The following CCDC102B variants were observed in gnomAD, a reference collection of about 807,000 sequenced individuals.
The protein encoded by CCDC102B is coiled-coil domain-containing protein 102B.
A neutral mutation model predicts 57.4 loss-of-function variants in CCDC102B; 75 were observed. The ratio of observed to expected loss-of-function variants is 1.31; its 90% CI spans 1.08 to 1.58. CCDC102B has a LOEUF of 1.58. Among genes scored for constraint, CCDC102B ranks in the 40% most tolerant of loss-of-function variants. CCDC102B has a pLI of 0.00. For synonymous variants in CCDC102B, 206 were observed against 201.9 expected, an observed-to-expected ratio of 1.02 and a Z score of -0.17; for missense variants, 636 against 582.6, an observed-to-expected ratio of 1.09 and a Z score of -0.94.
intron 2 of CCDC102B, among the ~76,000 whole-genome samples, chr18:68,722,620 T>C (rs1305050710): frequency 2.0e-5 from 3 of 152,166 alleles, no homozygotes; most frequent in Non-Finnish European, 4.4e-5. Flanking sequence ...ATTCTTTAGA[T>C]GTTTAAGAAT....
At chr18:68,961,053 T>G (rs1373869508) in intron 6 of CCDC102B, among the ~76,000 whole-genome samples, 1 of 152,188 alleles carries the variant, frequency 6.6e-6, no homozygotes, top group Non-Finnish European at 1.5e-5. Context: ...CCTTCTTCCA[T>G]GTCTTTGCCC....
At chr18:68,899,270 A>C (rs1454400668) in intron 6 of CCDC102B, among the ~76,000 whole-genome samples, 2 of 152,096 alleles carry the variant, frequency 1.3e-5, no homozygotes, top group Non-Finnish European at 2.9e-5. Flanking sequence ...TGATGTCCTC[A>C]AATGTCAAAT....
chr18:68,782,059 T>A (rs1160511841), intron 2 of CCDC102B, among the ~76,000 whole-genome samples: 1 of 152,126 alleles, frequency 6.6e-6, no homozygotes, highest in Non-Finnish European at 1.5e-5. Flanking sequence ...GAATGCAATT[T>A]CTCTTTGAAG....
At chr18:68,993,496 T>A (rs1021166274) in intron 6 of CCDC102B, 2 of 152,246 alleles carry the variant, frequency 1.3e-5, no homozygotes. Context: ...TGCTGAATGT[T>A]CTTTCTGTGT....
chr18:68,898,266 A>G (rs536699688), intron 6 of CCDC102B, among the ~76,000 whole-genome samples: 4 of 152,114 alleles, frequency 2.6e-5, no homozygotes, highest in Non-Finnish European at 4.4e-5. Context: ...TAGTTTTGAG[A>G]TATTTAAGTC....
At chr18:68,989,092 A>G (rs1252542765) in intron 6 of CCDC102B, among the ~76,000 whole-genome samples, 2 of 152,124 alleles carry the variant, frequency 1.3e-5, no homozygotes, top group Non-Finnish European at 2.9e-5. Flanking sequence ...ACTGTTTGGC[A>G]CTATTTAGTT....
intron 6 of CCDC102B, among the ~76,000 whole-genome samples, chr18:68,929,192 T>A (rs2041581985): frequency 6.6e-6 from 1 of 151,904 alleles, no homozygotes; most frequent in Non-Finnish European, 1.5e-5. Flanking sequence ...CTTAATAATT[T>A]GAACAGAAAA....
In CCDC102B at chr18:68,989,722, G is replaced by A. The variant is rs542487388; in HGVS notation, c.1264-21212G>A. On this transcript the variant is annotated intron_variant, in intron 6 of 7. Transcript: ENST00000360242. The stretch of plus-strand genomic sequence containing the variant: ...AGTGCCGCACTCATACTTTTTCAGA[G>A]CTGGAAGAGAGGAAAGCGGAAAAAT... 2.5e-3 allele frequency among the ~76,000 whole-genome samples: 383 copies of A among 152,306 alleles called. 2 individuals are homozygous for A. The highest frequency in any genetic ancestry group is 7.6e-3 in the African/African-American group (317 of 41,568).
At chr18:68,964,472 C>T (rs879481418) in intron 6 of CCDC102B, among the ~76,000 whole-genome samples, 4 of 150,626 alleles carry the variant, frequency 2.7e-5, no homozygotes, top group Non-Finnish European at 5.9e-5. Context: ...GCTTTATTTA[C>T]ATGGCTGGCT....
At chr18:68,775,823 T>G (rs1227411030) in intron 2 of CCDC102B, among the ~76,000 whole-genome samples, 1 of 151,910 alleles carries the variant, frequency 6.6e-6, no homozygotes, top group Non-Finnish European at 1.5e-5. Context: ...CCAGCTAATT[T>G]TTGTATTTTT....
At chr18:68,892,262 C>A (rs531372591) in intron 5 of CCDC102B, among the ~76,000 whole-genome samples, 2 of 152,246 alleles carry the variant, frequency 1.3e-5, no homozygotes, top group African/African-American at 4.8e-5. Flanking sequence ...AAAACAATGA[C>A]CCTTGTACTT....
At chr18:68,884,957 T>A (rs1285878076) in intron 5 of CCDC102B, among the ~76,000 whole-genome samples, 2 of 151,872 alleles carry the variant, frequency 1.3e-5, no homozygotes, top group African/African-American at 4.8e-5. Flanking sequence ...CTTGCCACTG[T>A]CTATATACAT....
intron 5 of CCDC102B, among the ~76,000 whole-genome samples, chr18:68,882,954 T>A (rs1438667085): frequency 6.6e-6 from 1 of 151,946 alleles, no homozygotes; most frequent in African/African-American, 2.4e-5. Flanking sequence ...CATGGACACG[T>A]AGAGGGGAAC....
intron 6 of CCDC102B, among the ~76,000 whole-genome samples, chr18:68,934,130 T>G (rs1639955145): frequency 2.6e-5 from 4 of 151,958 alleles, no homozygotes; most frequent in Admixed American, 2.6e-4. Context: ...GGCTCTGTAC[T>G]TATAGTAAAC....
intron 5 of CCDC102B, among the ~76,000 whole-genome samples, chr18:68,880,183 C>T (rs181831767): frequency 1.4e-4 from 21 of 152,316 alleles, no homozygotes; most frequent in Admixed American, 1.2e-3. Flanking sequence ...AGCGCAGCGC[C>T]GGTGGGCTGG....
intron 6 of CCDC102B, among the ~76,000 whole-genome samples, chr18:68,980,443 G>T (rs1240048001): frequency 2.7e-5 from 4 of 148,472 alleles, no homozygotes; most frequent in African/African-American, 9.9e-5. Flanking sequence ...TTGCTCTGGA[G>T]CAGTTTATAT....
At chr18:68,881,271 C>A (rs901449469) in intron 5 of CCDC102B, among the ~76,000 whole-genome samples, 2 of 152,112 alleles carry the variant, frequency 1.3e-5, no homozygotes, top group African/African-American at 4.8e-5. Context: ...GCATAAAGAT[C>A]TATTAAAATA....
chr18:68,875,750 A>G lies in CCDC102B; in HGVS notation c.1053+965A>G, dbSNP rs776081075. Among the ~76,000 whole-genome samples, 56 of 152,110 alleles carry G rather than the reference A, an allele frequency of 3.7e-4. 1 individual carries two copies. Among genetic ancestry groups the G allele is most frequent in the Admixed American group, 2.9e-3 (45 of 15,258 alleles). On this transcript the variant is annotated intron_variant, in intron 5 of 7. Transcript: ENST00000360242. ...AAATAATAGTAATAATAATATTAAT[A>G]ATAATCATGAAACAGGATTTTGGAA...
intron 2 of CCDC102B, among the ~76,000 whole-genome samples, chr18:68,790,687 C>T (rs972518237): frequency 6.6e-6 from 1 of 152,222 alleles, no homozygotes; most frequent in Non-Finnish European, 1.5e-5. Flanking sequence ...CCTGCTTCGG[C>T]TCGTGCACGG....
Sources: allele counts gnomAD v4.1 joint callset (sites outside exome capture counted in the v4.1 genomes callset), GRCh38; gene constraint gnomAD v4.1.1; transcripts MANE v1.5; gene names NCBI Gene and HGNC (gene_info 2026-07-23, HGNC 2026-07-21).